Variants in ABCA13 observed in about 807,000 individuals in gnomAD.
The protein encoded by ABCA13 is ATP binding cassette subfamily A member 13, also known as ATP-binding cassette sub-family A member 13.
In ABCA13, 476 loss-of-function variants were observed where a neutral mutation model predicts 478.7. That is an observed-to-expected ratio of 0.99 (90% confidence interval 0.92 to 1.07). ABCA13 has a LOEUF of 1.07. Among genes scored for constraint, ABCA13 ranks in the 50% least tolerant of loss-of-function variants. The pLI, the probability that ABCA13 is intolerant of heterozygous loss-of-function variation, is 0.00. For synonymous variants in ABCA13, 2,252 were observed against 2,158.9 expected (o/e 1.04, Z -1.20); for missense variants, 6,060 against 5,910.6 (o/e 1.03, Z -0.83).
At chr7:48,614,202 A>G (rs1381055148) in intron 58 of ABCA13, among the ~76,000 whole-genome samples, 2 of 150,610 alleles carry the variant, frequency 1.3e-5, no homozygotes, top group Admixed American at 6.7e-5. Context: ...ATTTGTGCCT[A>G]TTAGTAAGGC....
rs573778818 is a variant in ABCA13 at position 48,197,563 on chromosome 7, A to G, written c.164-674A>G. ...AGGTAAATGATAGAAAACCAGGTGT[A>G]CTGTGCAGGAGAAACGGGCCGGTAA... On this transcript the variant is annotated intron_variant, in intron 2 of 61. Transcript: ENST00000435803. Among the ~76,000 whole-genome samples the G allele has an allele frequency of 5.5e-4, 84 of 152,220 alleles. No individual in the cohort carries two copies. In the South Asian group the frequency reaches 0.017, roughly 31 times the overall value.
intron 16 of ABCA13, among the ~76,000 whole-genome samples, chr7:48,270,265 CT>C (rs559300980): frequency 6.6e-6 from 1 of 152,116 alleles, no homozygotes; most frequent in South Asian, 2.1e-4. Context: ...TAAAAAGTTT[CT>C]TTTTTCATGA....
chr7:48,352,007 G>A (rs546153970), intron 30 of ABCA13, among the ~76,000 whole-genome samples, 174 bp from the exon 31 acceptor site: 7 of 152,314 alleles, frequency 4.6e-5, no homozygotes, highest in African/African-American at 1.7e-4. Flanking sequence ...ACCACCAATT[G>A]CCTGTGTGAC....
At chr7:48,434,944 C>A (rs2129150168) in intron 42 of ABCA13, among the ~76,000 whole-genome samples, 1 of 151,962 alleles carries the variant, frequency 6.6e-6, no homozygotes, top group Non-Finnish European at 1.5e-5. Context: ...AGTGGGAATT[C>A]TCCAAATTTC....
chr7:48,326,495 A>G (rs950657037), intron 27 of ABCA13, among the ~76,000 whole-genome samples: 1 of 152,226 alleles, frequency 6.6e-6, no homozygotes, highest in Non-Finnish European at 1.5e-5. Context: ...GGGAAGAATT[A>G]CTTGCTCTAA....
chr7:48,526,808 A>C (rs1426800670), intron 54 of ABCA13, among the ~76,000 whole-genome samples: 1 of 152,194 alleles, frequency 6.6e-6, no homozygotes, highest in South Asian at 2.1e-4. Context: ...CATTGACTGT[A>C]TATCCTTCTC....
chr7:48,295,824 G>C lies in ABCA13; in HGVS notation c.9080G>C (p.Ser3027Thr). Residue 3027 changes from serine to threonine, a missense_variant, in exon 21 of 62, where the codon AGC becomes ACC. Ser to Thr is a moderately conservative substitution (Grantham distance 58). Around this residue, in one of 3 missense-constraint regions of ABCA13, gnomAD observed 4,423 missense variants for 4,309.1 expected, o/e 1.03. Transcript: ENST00000435803. Reference sequence around the variant, plus strand: ...AATGCCACTGGCCAGGACTGCACAAGCCAGCCGAGGCTGGAGACGGTGCAG... The same window carrying C: ...AATGCCACTGGCCAGGACTGCACAACCCAGCCGAGGCTGGAGACGGTGCAG... ...LENATGQDCT[S>T]QPRLETVQQH... 1 of 1,613,648 alleles carries C rather than the reference G, an allele frequency of 6.2e-7. No homozygotes were observed. Among genetic ancestry groups the C allele is most frequent in the Non-Finnish European group, 8.5e-7 (1 of 1,179,658 alleles).
intron 54 of ABCA13, among the ~76,000 whole-genome samples, chr7:48,526,871 T>C (rs1478137777): frequency 6.6e-6 from 1 of 152,194 alleles, no homozygotes; most frequent in Non-Finnish European, 1.5e-5. Flanking sequence ...GCATGTACTA[T>C]GTTACATGGG....
chr7:48,402,228 C>T (rs1000904359), intron 38 of ABCA13, among the ~76,000 whole-genome samples: 16 of 152,198 alleles, frequency 1.1e-4, no homozygotes, highest in African/African-American at 3.9e-4. Context: ...TGGGGTTGAA[C>T]ACAGAAAGGT....
intron 41 of ABCA13, among the ~76,000 whole-genome samples, chr7:48,418,796 T>G (rs12536701): frequency 0.38 from 57,120 of 152,066 alleles, 11,259 homozygotes; most frequent in African/African-American, 0.5. Flanking sequence ...TTAATCTGTC[T>G]ATATTTTAAT....
chr7:48,203,746 G>T (rs1784534598), intron 3 of ABCA13, among the ~76,000 whole-genome samples: 1 of 152,126 alleles, frequency 6.6e-6, no homozygotes. Context: ...GTCTAAACCC[G>T]ACCCTCACTT....
At chr7:48,411,708 G>A (rs531694128) in intron 40 of ABCA13, among the ~76,000 whole-genome samples, 3 of 152,290 alleles carry the variant, frequency 2.0e-5, no homozygotes, top group Admixed American at 6.5e-5. Context: ...AGTCTGGCCC[G>A]AGAGGCTGAA....
At chr7:48,427,649 A>G (rs369894334) in intron 41 of ABCA13, 117 bp from the exon 42 acceptor site, 172 of 662,428 alleles carry the variant, frequency 2.6e-4, no homozygotes, top group East Asian at 4.7e-4. Context: ...AATGAAATAT[A>G]TGGGGTGTGT....
At chr7:48,407,777 C>T (rs1415072381) in intron 39 of ABCA13, among the ~76,000 whole-genome samples, 2 of 152,022 alleles carry the variant, frequency 1.3e-5, no homozygotes, top group Non-Finnish European at 2.9e-5. Flanking sequence ...AGGCTACTCT[C>T]TAACTCTTGA....
chr7:48,324,614 C>T (rs1435992420), intron 27 of ABCA13, among the ~76,000 whole-genome samples: 1 of 152,114 alleles, frequency 6.6e-6, no homozygotes, highest in Non-Finnish European at 1.5e-5. Flanking sequence ...AAATAGTAGC[C>T]CAGGGAGGCT....
chr7:48,310,267 C>T (rs965949992), intron 24 of ABCA13, 126 bp downstream of exon 24: 6 of 1,013,806 alleles, frequency 5.9e-6, no homozygotes, highest in African/African-American at 3.2e-5. Context: ...GCAGTGGTCT[C>T]CACCAGCCTC....
At chr7:48,203,806 T>C (rs67466763) in intron 3 of ABCA13, among the ~76,000 whole-genome samples, 30,896 of 152,244 alleles carry the variant, frequency 0.2, 3,391 homozygotes, top group Middle Eastern at 0.26. Flanking sequence ...ATACCCATGC[T>C]GGGGCACTCC....
chr7:48,323,839 G>A (rs918004547), intron 27 of ABCA13, among the ~76,000 whole-genome samples: 2 of 152,142 alleles, frequency 1.3e-5, no homozygotes, highest in Non-Finnish European at 2.9e-5. Context: ...CACCGGGGCA[G>A]TTTTCCCCAT....
intron 38 of ABCA13, 92 bp downstream of exon 38, chr7:48,392,231 G>A (rs1816184987): frequency 8.4e-7 from 1 of 1,191,822 alleles, no homozygotes; most frequent in African/African-American, 1.5e-5. Flanking sequence ...AAAATCATCT[G>A]TGTCTACATT....
Sources: allele counts gnomAD v4.1 joint callset (sites outside exome capture counted in the v4.1 genomes callset), GRCh38; gene constraint gnomAD v4.1.1; regional missense constraint gnomAD v4.1.1; transcripts MANE v1.5; gene names NCBI Gene and HGNC (gene_info 2026-07-23, HGNC 2026-07-21).